Variants in SH3D19 observed in about 807,000 individuals in gnomAD.
SH3D19 encodes SH3 domain containing 19.
In SH3D19, 58 loss-of-function variants were observed where a neutral mutation model predicts 112.1. The observed-to-expected ratio is 0.52, with a 90% confidence interval of 0.42 to 0.64. SH3D19 has a LOEUF of 0.64. Among genes scored for constraint, SH3D19 ranks in the 30% least tolerant of loss-of-function variants. The pLI is 0.00. For synonymous variants in SH3D19, 391 were observed against 448.5 expected, an observed-to-expected ratio of 0.87 and a Z score of 1.62; for missense variants, 1,090 against 1,263.4, an observed-to-expected ratio of 0.86 and a Z score of 2.08.
At chr4:151,163,758 T>A (rs1252327325) in intron 8 of SH3D19, among the ~76,000 whole-genome samples, 2 of 152,068 alleles carry the variant, frequency 1.3e-5, no homozygotes, top group African/African-American at 2.4e-5. Flanking sequence ...CTTTTTTGTA[T>A]TTTTGATAGA....
In SH3D19 at chr4:151,127,700, A is replaced by G. The variant is rs1422359447; in HGVS notation, c.2945T>C (p.Met982Thr). The change falls in exon 19 of 20, where the codon ATG becomes ACG. Residue 982 changes from methionine to threonine, a missense_variant. Transcript: ENST00000604030. ...VRPCPAEAKS[M>T]LAIVPKGRKA... ...CCTCCCCTTCGGTACTATGGCCAAC[A>G]TACTTTTTGCCTCAGCTGTGAAGAC... 3 of 1,597,046 alleles carry G rather than the reference A, an allele frequency of 1.9e-6. No individual in the cohort carries two copies. Among genetic ancestry groups the G allele is most frequent in the Non-Finnish European group, 2.6e-6 (3 of 1,174,972 alleles).
Position 151,325,332 on chromosome 4 carries a change from C to G in SH3D19, c.21G>C (p.Arg7=), listed in dbSNP as rs1015520078. The G allele has an allele frequency of 1.2e-5, 15 of 1,215,458 alleles. No individual in the cohort carries two copies. In the African/African-American group the frequency reaches 2.4e-4, roughly 19 times the overall value. 75.3% of individuals were successfully genotyped at this position (1,215,458 alleles called of 1,614,324 possible). The stretch of plus-strand genomic sequence containing the variant: ...CGCGTAGCTCTTCCTCCTCGTCCTC[C>G]CGCCGCCGGCCCTCAGCCATGGGCG... MAEGRR[R]EDEEEELRER... The change falls in exon 1 of 20, where the codon CGG becomes CGC. Residue 7 remains arginine, a synonymous_variant. Transcript: ENST00000604030.
rs1465882420 is a variant in SH3D19, at chr4:151,176,858, C to T, written c.334G>A (p.Ala112Thr). 11 of 1,232,092 alleles carry T rather than the reference C, an allele frequency of 8.9e-6. No individual in the cohort carries two copies. Among genetic ancestry groups the T allele is most frequent in the Non-Finnish European group, 1.1e-5 (11 of 987,988 alleles). 76.3% of individuals were successfully genotyped at this position (1,232,092 alleles called of 1,614,324 possible). Residue 112 changes from alanine to threonine, a missense_variant, in exon 5 of 20, where the codon GCA (alanine) becomes ACA (threonine). Transcript: ENST00000604030. ...PPGLGFPTSS[A>T]AGSWRPNELV... ...TCATTAGGCCTCCAAGAGCCTGCTG[C>T]AGATGATGTAGGAAATCCCAGTCCT...
At chr4:151,314,699 C>T (rs1729820370) in intron 1 of SH3D19, among the ~76,000 whole-genome samples, 3 of 152,196 alleles carry the variant, frequency 2.0e-5, no homozygotes, top group Admixed American at 2.0e-4. Flanking sequence ...GGTAGAGTTT[C>T]TTATTCCTTC....
intron 2 of SH3D19, among the ~76,000 whole-genome samples, chr4:151,197,715 T>C (rs1763682206): frequency 6.6e-6 from 1 of 150,736 alleles, no homozygotes; most frequent in Non-Finnish European, 1.5e-5. Context: ...AGAAACATGA[T>C]TTTGTCTCTC....
chr4:151,297,537 C>T (rs1298513083), intron 1 of SH3D19, among the ~76,000 whole-genome samples: 1 of 152,040 alleles, frequency 6.6e-6, no homozygotes, highest in Non-Finnish European at 1.5e-5. Flanking sequence ...GTAGTAGAAG[C>T]AAGATAACAT....
At chr4:151,191,508 G>A (rs1190405441) in intron 2 of SH3D19, among the ~76,000 whole-genome samples, 1 of 152,116 alleles carries the variant, frequency 6.6e-6, no homozygotes, top group Non-Finnish European at 1.5e-5. Context: ...GGTCTTTCCT[G>A]TGCTGTTCTC....
At chr4:151,267,178 A>G (rs1266756859) in intron 1 of SH3D19, among the ~76,000 whole-genome samples, 1 of 139,302 alleles carries the variant, frequency 7.2e-6, no homozygotes, top group African/African-American at 3.2e-5. Flanking sequence ...AAAAATAAAT[A>G]AAATAAATTA....
At chr4:151,172,351 G>A (rs1222367247) in intron 7 of SH3D19, among the ~76,000 whole-genome samples, 1 of 152,166 alleles carries the variant, frequency 6.6e-6, no homozygotes, top group East Asian at 1.9e-4. Context: ...GCACCAGTGT[G>A]CATTCTAGAA....
intron 7 of SH3D19, among the ~76,000 whole-genome samples, chr4:151,167,437 T>C (rs1010372224): frequency 3.5e-4 from 53 of 152,088 alleles, no homozygotes; most frequent in African/African-American, 1.2e-3. Context: ...TTGTCTAAAA[T>C]TTGGTATATC....
chr4:151,237,881 T>C (rs1770252420), intron 1 of SH3D19, among the ~76,000 whole-genome samples: 1 of 152,240 alleles, frequency 6.6e-6, no homozygotes, highest in African/African-American at 2.4e-5. Flanking sequence ...AATGTACTAA[T>C]AAATAATTTC....
Position 151,174,803 on chromosome 4 carries a change from T to C in SH3D19, c.1401A>G (p.Pro467=). The C allele has an allele frequency of 6.4e-7, 1 of 1,562,010 alleles. No homozygotes were observed. Among genetic ancestry groups the C allele is most frequent in the Non-Finnish European group, 8.6e-7 (1 of 1,156,658 alleles). Residue 467 remains proline (P), a synonymous_variant, in exon 7 of 20, where the codon CCA becomes CCG. Coordinates refer to ENST00000604030, the MANE Select transcript of SH3D19 (RefSeq NM_001378122.1). The part of the protein sequence containing the change: ...KAYKSLGEGP[P]ANPPVPVLQS... Reference sequence around the variant, plus strand: ...GCAGAACTGGAACTGGGGGGTTGGCTGGGGGCCCTTCTCCCAGTGACTTGT... The same window carrying C: ...GCAGAACTGGAACTGGGGGGTTGGCCGGGGGCCCTTCTCCCAGTGACTTGT...
At chr4:151,143,656 G>C (rs769933376) in intron 12 of SH3D19, among the ~76,000 whole-genome samples, 3 of 150,142 alleles carry the variant, frequency 2.0e-5, no homozygotes, top group African/African-American at 7.4e-5. Flanking sequence ...ACATAATCTC[G>C]CTCTATGGCC....
intron 11 of SH3D19, among the ~76,000 whole-genome samples, chr4:151,147,185 T>TGCAGTACACTATGATTGCA (rs1357873125): frequency 6.6e-6 from 1 of 152,210 alleles, no homozygotes; most frequent in Non-Finnish European, 1.5e-5. Context: ...AGGTCGAGAC[T>TGCAGTACACTATGATTGCA]GCAGTACACT....
intron 1 of SH3D19, among the ~76,000 whole-genome samples, chr4:151,254,957 C>T (rs1343205557): frequency 6.7e-6 from 1 of 150,062 alleles, no homozygotes; most frequent in Non-Finnish European, 1.5e-5. Flanking sequence ...GGGCTGACGC[C>T]CCCACCTCCC....
chr4:151,137,615 C>T (rs1378728981), intron 14 of SH3D19, 117 bp downstream of exon 14: 2 of 784,950 alleles, frequency 2.5e-6, no homozygotes, highest in African/African-American at 1.8e-5. Context: ...TTCCAAATGC[C>T]AAATGAATCA....
chr4:151,148,145 G>A lies in SH3D19; in HGVS notation c.1859C>T (p.Thr620Ile). 2 of 1,610,630 alleles carry A rather than the reference G, an allele frequency of 1.2e-6. No homozygotes were observed. Among genetic ancestry groups the A allele is most frequent in the Non-Finnish European group, 1.7e-6 (2 of 1,179,150 alleles). Reference sequence around the variant, plus strand: ...AGGTGGTCTCTCAGGGGGCACCTTGGTTGGAGGCTGTTGAGTTGGAATGGT... The same window carrying A: ...AGGTGGTCTCTCAGGGGGCACCTTGATTGGAGGCTGTTGAGTTGGAATGGT... ...GKTIPTQQPPTKVPPERPPPP... is the reference protein window; with the variant it reads ...GKTIPTQQPPIKVPPERPPPP... The change falls in exon 11 of 20, where the codon ACC (threonine) becomes ATC (isoleucine). Residue 620 changes from threonine (T) to isoleucine (I), a missense_variant. By Grantham distance (89) the Thr-to-Ile change is moderately conservative. Transcript: ENST00000604030.
chr4:151,322,135 C>T (rs1237078886), intron 1 of SH3D19, among the ~76,000 whole-genome samples: 1 of 152,128 alleles, frequency 6.6e-6, no homozygotes, highest in Non-Finnish European at 1.5e-5. Context: ...TAATCTCATG[C>T]ATCATGAGCT....
At chr4:151,162,719 C>T (rs1042537003) in intron 8 of SH3D19, among the ~76,000 whole-genome samples, 24 of 151,152 alleles carry the variant, frequency 1.6e-4, no homozygotes, top group Admixed American at 6.0e-4. Flanking sequence ...ATCAGCCAAG[C>T]GCATGCCACC....
Sources: gnomAD v4.1 joint callset for allele counts (sites outside exome capture counted in the v4.1 genomes callset) on GRCh38, gnomAD v4.1.1 for gene constraint, MANE v1.5 for transcripts, NCBI Gene and HGNC (gene_info 2026-07-23, HGNC 2026-07-21) for gene names.